The following CMTM7 variants were observed in gnomAD, a reference collection of about 807,000 sequenced individuals.
CMTM7 encodes the protein CKLF-like MARVEL transmembrane domain-containing protein 7.
CMTM7 carries 7 observed loss-of-function variants against 19.3 expected under a neutral mutation model. That is an observed-to-expected ratio of 0.36 (90% confidence interval 0.21 to 0.68). CMTM7 has a LOEUF of 0.68. Among genes scored for constraint, CMTM7 ranks in the 30% least tolerant of loss-of-function variants. The pLI is 0.60. For synonymous variants in CMTM7, 87 were observed against 99.3 expected (o/e 0.88, Z 0.74); for missense variants, 193 against 232.6 (o/e 0.83, Z 1.11).
intron 1 of CMTM7, among the ~76,000 whole-genome samples, chr3:32,434,080 G>A (rs347147): frequency 1.3e-5 from 2 of 151,750 alleles, no homozygotes; most frequent in Non-Finnish European, 2.9e-5. Flanking sequence ...TCCGAGCTAC[G>A]TGGGAGGCTG....
intron 1 of CMTM7, among the ~76,000 whole-genome samples, chr3:32,395,805 C>T (rs1376334227): frequency 6.6e-6 from 1 of 152,204 alleles, no homozygotes; most frequent in Non-Finnish European, 1.5e-5. Flanking sequence ...CAGATGTCCA[C>T]ATGAAGACTT....
chr3:32,399,054 A>C (rs1209381106), intron 1 of CMTM7, among the ~76,000 whole-genome samples: 1 of 151,984 alleles, frequency 6.6e-6, no homozygotes, highest in Non-Finnish European at 1.5e-5. Flanking sequence ...CTAGGGCTGG[A>C]GGGGAGAGAA....
intron 1 of CMTM7, among the ~76,000 whole-genome samples, chr3:32,401,680 G>T (rs112657248): frequency 1.2e-3 from 179 of 152,334 alleles, no homozygotes; most frequent in African/African-American, 4.1e-3. Context: ...CCCAGCGTGC[G>T]GCCCTGGAAG....
chr3:32,397,081 G>A (rs113791363), intron 1 of CMTM7, among the ~76,000 whole-genome samples: 6 of 152,270 alleles, frequency 3.9e-5, no homozygotes, highest in East Asian at 1.9e-4. Flanking sequence ...CTTGGATCTC[G>A]TGCAGAAAAA....
Position 32,443,343 on chromosome 3 carries a change from A to G in CMTM7, c.333+1330A>G, listed in dbSNP as rs145447690. On this transcript the variant is annotated intron_variant, in intron 2 of 4. Transcript: ENST00000334983. The stretch of plus-strand genomic sequence containing the variant: ...GGTTTCAAACTCCTGGCCTTAAGCA[A>G]TCCTCCCACTTTGGCCTCCCAAAGT... 3.5e-3 allele frequency among the ~76,000 whole-genome samples: 528 copies of G among 151,768 alleles called. 5 individuals are homozygous for G. The highest frequency in any genetic ancestry group is 0.012 in the African/African-American group (480 of 41,336).
At chr3:32,403,279 A>C (rs112947986) in intron 1 of CMTM7, among the ~76,000 whole-genome samples, 1 of 152,114 alleles carries the variant, frequency 6.6e-6, no homozygotes, top group Non-Finnish European at 1.5e-5. Context: ...CAGTGGTGCT[A>C]TCTCTGCTCA....
At chr3:32,425,117 T>A (rs1480987829) in intron 1 of CMTM7, among the ~76,000 whole-genome samples, 1 of 152,220 alleles carries the variant, frequency 6.6e-6, no homozygotes, top group Non-Finnish European at 1.5e-5. Flanking sequence ...AGCAGGTGCC[T>A]CTCTGTGCCT....
chr3:32,419,962 C>G (rs1406396742), intron 1 of CMTM7, among the ~76,000 whole-genome samples: 1 of 152,134 alleles, frequency 6.6e-6, no homozygotes, highest in Non-Finnish European at 1.5e-5. Context: ...TCTGTTTCTC[C>G]TTTTTGCCTA....
intron 1 of CMTM7, among the ~76,000 whole-genome samples, chr3:32,421,596 T>G (rs563878282): frequency 6.6e-6 from 1 of 152,268 alleles, no homozygotes; most frequent in East Asian, 1.9e-4. Flanking sequence ...AGCTCTCTGG[T>G]GGTATTTATC....
At chr3:32,434,505 ATGT>A (rs1247650166) in intron 1 of CMTM7, among the ~76,000 whole-genome samples, 1 of 150,474 alleles carries the variant, frequency 6.6e-6, no homozygotes, top group Non-Finnish European at 1.5e-5. Context: ...GGGTCTCACT[ATGT>A]TGCCCAGGCT....
At chr3:32,445,635 C>T (rs763197209) in intron 2 of CMTM7, among the ~76,000 whole-genome samples, 10 of 152,062 alleles carry the variant, frequency 6.6e-5, no homozygotes, top group Non-Finnish European at 1.3e-4. Flanking sequence ...ACCTCAGCCT[C>T]TTGAGTAGCT....
At chr3:32,419,413 A>G (rs1296112367) in intron 1 of CMTM7, among the ~76,000 whole-genome samples, 2 of 152,222 alleles carry the variant, frequency 1.3e-5, no homozygotes, top group African/African-American at 4.8e-5. Flanking sequence ...CAGCAGTATA[A>G]GAATGTGAGA....
intron 1 of CMTM7, among the ~76,000 whole-genome samples, chr3:32,434,242 T>C (rs1322511414): frequency 1.3e-5 from 2 of 152,130 alleles, no homozygotes; most frequent in African/African-American, 2.4e-5. Flanking sequence ...ACTAAAGAAC[T>C]AAAAATTGTA....
chr3:32,393,689 C>A (rs2125615574), intron 1 of CMTM7, among the ~76,000 whole-genome samples: 1 of 146,536 alleles, frequency 6.8e-6, no homozygotes, highest in Non-Finnish European at 1.5e-5. Context: ...ACTTGGGAGG[C>A]TGAGGTGAGA....
chr3:32,454,416 C>G lies in CMTM7; in HGVS notation c.*162C>G. 1 of 806,272 alleles carries G rather than the reference C, an allele frequency of 1.2e-6. No homozygotes were observed. The highest frequency in any genetic ancestry group is 2.1e-6 in the Non-Finnish European group (1 of 470,434). The allele number at this position is 806,272 out of a possible 1,614,324, so 49.9% of individuals were successfully genotyped here. ...CCTGCTCTCCCAGGAAGCCAGCTCC[C>G]TGAGCTCCTGAGCCAGCCGGAAACT... is the stretch of plus-strand genomic sequence containing the variant. On this transcript the variant is annotated 3_prime_UTR_variant, in exon 5 of 5. Coordinates refer to ENST00000334983, the MANE Select transcript of CMTM7 (RefSeq NM_138410.4).
rs1000550254 is a variant in CMTM7 at position 32,454,790 on chromosome 3, C to T, written c.*536C>T. 1.9e-5 allele frequency: 5 copies of T among 265,650 alleles called. No individual in the cohort carries two copies. Among genetic ancestry groups the T allele is most frequent in the South Asian group, 1.1e-4 (3 of 27,332 alleles). The allele number at this position is 265,650 out of a possible 1,614,324, so 16.5% of individuals were successfully genotyped here. On this transcript the variant is annotated 3_prime_UTR_variant, in exon 5 of 5. Coordinates refer to ENST00000334983, the MANE Select transcript of CMTM7 (RefSeq NM_138410.4). ...CTCCTCTCCATCTCTGCCTTTGTTA[C>T]CAGTGTGCATGTGTTTGTGTGTTTT...
chr3:32,440,105 A>T (rs923787764), intron 1 of CMTM7, among the ~76,000 whole-genome samples: 17 of 136,738 alleles, frequency 1.2e-4, no homozygotes, highest in Non-Finnish European at 6.4e-5. Context: ...ACACACACAC[A>T]CTTTAAGACT....
chr3:32,448,634 T>C (rs773755272), intron 2 of CMTM7, among the ~76,000 whole-genome samples: 30 of 152,118 alleles, frequency 2.0e-4, no homozygotes, highest in Admixed American at 7.9e-4. Flanking sequence ...AGGATGCTGA[T>C]TAATCATGAT....
At chr3:32,410,405 G>A (rs1163055857) in intron 1 of CMTM7, among the ~76,000 whole-genome samples, 1 of 152,182 alleles carries the variant, frequency 6.6e-6, no homozygotes, top group Non-Finnish European at 1.5e-5. Context: ...CAAAGCCTTT[G>A]GTAATAGCAC....
Sources: allele counts gnomAD v4.1 joint callset (sites outside exome capture counted in the v4.1 genomes callset), GRCh38; gene constraint gnomAD v4.1.1; transcripts MANE v1.5; gene names NCBI Gene and HGNC (gene_info 2026-07-23, HGNC 2026-07-21).